The following PAM variants were observed in gnomAD, a reference collection of about 807,000 sequenced individuals.
PAM encodes peptidyl-glycine alpha-amidating monooxygenase.
PAM carries 72 observed loss-of-function variants against 122.1 expected under a neutral mutation model. The observed-to-expected ratio is 0.59, with a 90% confidence interval of 0.49 to 0.72. PAM has a LOEUF of 0.72. Among genes scored for constraint, PAM ranks in the 30% least tolerant of loss-of-function variants. PAM has a pLI of 0.00. For synonymous variants in PAM, 389 were observed against 404.4 expected (o/e 0.96, Z 0.46); for missense variants, 1,106 against 1,183.7 (o/e 0.93, Z 0.96).
chr5:102,815,115 G>A (rs1769340541), intron 1 of PAM, among the ~76,000 whole-genome samples: 2 of 152,046 alleles, frequency 1.3e-5, no homozygotes, highest in African/African-American at 4.8e-5. Context: ...AAAACACTAT[G>A]CTACACACTG....
chr5:102,999,135 C>G (rs949329047), intron 16 of PAM, among the ~76,000 whole-genome samples: 30 of 152,166 alleles, frequency 2.0e-4, no homozygotes, highest in African/African-American at 7.2e-4. Context: ...CATGGGGTAA[C>G]CACCCCCATG....
At chr5:103,019,305 C>T (rs1216641290) in intron 22 of PAM, among the ~76,000 whole-genome samples, 1 of 152,198 alleles carries the variant, frequency 6.6e-6, no homozygotes, top group Non-Finnish European at 1.5e-5. Flanking sequence ...TAGAGAAGCC[C>T]TCTGCATAGC....
chr5:102,896,248 G>A (rs1796190747), intron 3 of PAM, among the ~76,000 whole-genome samples: 1 of 151,654 alleles, frequency 6.6e-6, no homozygotes, highest in African/African-American at 2.4e-5. Context: ...CTTGCCAGGA[G>A]AGTCACTTCC....
chr5:102,759,629 A>C (rs1232376676), intron 1 of PAM, among the ~76,000 whole-genome samples: 1 of 152,216 alleles, frequency 6.6e-6, no homozygotes, highest in Non-Finnish European at 1.5e-5. Flanking sequence ...CTGTGGGCCA[A>C]ACCAGACAAA....
intron 7 of PAM, among the ~76,000 whole-genome samples, chr5:102,945,781 T>C (rs1408396500): frequency 7.6e-6 from 1 of 131,006 alleles, no homozygotes; most frequent in African/African-American, 3.1e-5. Context: ...GTCTGAGTAC[T>C]GATTTGTTTT....
At position 103,003,014 on chromosome 5, in the gene PAM, T is replaced by C. The variant is rs368631164; in HGVS notation, c.1614-19T>C. The C allele has an allele frequency of 1.2e-5, 13 of 1,128,658 alleles. No individual in the cohort carries two copies. Among genetic ancestry groups the C allele is most frequent in the Non-Finnish European group, 1.8e-5 (13 of 738,212 alleles). 69.9% of individuals were successfully genotyped at this position (1,128,658 alleles called of 1,614,324 possible). The stretch of plus-strand genomic sequence containing the variant: ...GAATTTATGATTGTTTCATGTCCTA[T>C]TTAATGCTTTTTGTTTAGCTCGTTT... On this transcript the variant is annotated intron_variant, in intron 16 of 25. Coordinates refer to ENST00000438793, the MANE Select transcript of PAM (RefSeq NM_001177306.2).
chr5:102,860,680 C>A (rs1445073315), intron 1 of PAM, among the ~76,000 whole-genome samples: 1 of 151,222 alleles, frequency 6.6e-6, no homozygotes, highest in East Asian at 1.9e-4. Flanking sequence ...AGCGTGAGAC[C>A]CTGTCTCAAA....
chr5:103,016,154 G>A (rs1281183771), intron 21 of PAM, among the ~76,000 whole-genome samples: 1 of 152,028 alleles, frequency 6.6e-6, no homozygotes, highest in East Asian at 1.9e-4. Flanking sequence ...ATTTGTCACA[G>A]CTTATTTGAA....
At chr5:102,888,364 C>T (rs1581359500) in intron 3 of PAM, among the ~76,000 whole-genome samples, 3 of 151,916 alleles carry the variant, frequency 2.0e-5, no homozygotes, top group Admixed American at 1.3e-4. Context: ...TAAAGGACTG[C>T]ACCTATAATT....
chr5:102,787,104 A>T (rs1271180419), intron 1 of PAM, among the ~76,000 whole-genome samples: 2 of 152,148 alleles, frequency 1.3e-5, no homozygotes, highest in Non-Finnish European at 2.9e-5. Flanking sequence ...AGAAATCATT[A>T]TGCTGGTGGA....
intron 1 of PAM, among the ~76,000 whole-genome samples, chr5:102,843,317 G>GA (rs537184396): frequency 4.5e-4 from 68 of 152,080 alleles, no homozygotes; most frequent in African/African-American, 1.5e-3. Flanking sequence ...CAAGAAAATA[G>GA]AAAAAACAAA....
In PAM at chr5:102,855,640, G is replaced by A. The variant is rs184812367; in HGVS notation, c.-373-10183G>A. On this transcript the variant is annotated intron_variant, in intron 1 of 25. Coordinates refer to ENST00000438793, the MANE Select transcript of PAM (RefSeq NM_001177306.2). ...GTTAATACCTCCTGCCTCTGAAGTCGTTGGAAAGCATTTAACAAAATATAT... is the reference window on the plus strand; with the variant it reads ...GTTAATACCTCCTGCCTCTGAAGTCATTGGAAAGCATTTAACAAAATATAT... Among the ~76,000 whole-genome samples, 5 of 152,094 alleles carry A rather than the reference G, an allele frequency of 3.3e-5. No homozygotes were observed. In the East Asian group the frequency reaches 5.8e-4, roughly 18 times the overall value.
At chr5:102,782,110 G>C (rs1272766238) in intron 1 of PAM, among the ~76,000 whole-genome samples, 1 of 152,202 alleles carries the variant, frequency 6.6e-6, no homozygotes, top group African/African-American at 2.4e-5. Flanking sequence ...ATTCCTAGGA[G>C]CTCAACATTT....
At chr5:102,866,617 A>G in intron 2 of PAM, 1 of 277,284 alleles carries the variant, frequency 3.6e-6, no homozygotes, top group Middle Eastern at 1.2e-3. Context: ...ATATAAGGAT[A>G]CATCAGTGTC....
chr5:102,892,516 A>G (rs1473602326), intron 3 of PAM, among the ~76,000 whole-genome samples: 5 of 151,838 alleles, frequency 3.3e-5, no homozygotes, highest in African/African-American at 1.2e-4. Context: ...CATGTGTTTA[A>G]TTTAGTATTA....
chr5:102,871,159 G>A (rs1397351851), intron 3 of PAM, among the ~76,000 whole-genome samples: 1 of 152,192 alleles, frequency 6.6e-6, no homozygotes, highest in Non-Finnish European at 1.5e-5. Context: ...ACTCAAATTT[G>A]TTTCTTAACT....
intron 3 of PAM, among the ~76,000 whole-genome samples, chr5:102,883,085 G>C (rs185499865): frequency 1.3e-5 from 2 of 151,730 alleles, no homozygotes; most frequent in Admixed American, 1.3e-4. Context: ...ATGTGCTTGT[G>C]TTTATAGTGG....
rs753122724 is a variant in PAM at position 102,894,458 on chromosome 5, C to G, written c.211-6898C>G. On this transcript the variant is annotated intron_variant, in intron 3 of 25. Transcript: ENST00000438793. ...CTGATTTTTCTCTGAACTCCTTGGC[C>G]GCTGTTACTTGGCCAGCCAGTTCAC... Among the ~76,000 whole-genome samples, 3 of 151,712 alleles carry G rather than the reference C, an allele frequency of 2.0e-5. No individual in the cohort carries two copies. In the South Asian group the frequency reaches 6.2e-4, roughly 32 times the overall value.
intron 4 of PAM, among the ~76,000 whole-genome samples, chr5:102,910,040 G>C (rs913211308): frequency 6.6e-6 from 1 of 151,846 alleles, no homozygotes; most frequent in Non-Finnish European, 1.5e-5. Flanking sequence ...CAAAATTGCT[G>C]GTTTCTCTAC....
Sources: gnomAD v4.1 joint callset for allele counts (sites outside exome capture counted in the v4.1 genomes callset) on GRCh38, gnomAD v4.1.1 for gene constraint, MANE v1.5 for transcripts, NCBI Gene and HGNC (gene_info 2026-07-23, HGNC 2026-07-21) for gene names.